Variants in RAB28 observed in about 807,000 individuals in gnomAD.
The protein encoded by RAB28 is RAB28, member RAS oncogene family, also known as ras-related protein Rab-28.
In RAB28, 24 loss-of-function variants were observed where a neutral mutation model predicts 31.7. That is an observed-to-expected ratio of 0.76 (90% CI 0.55 to 1.06). The LOEUF (loss-of-function observed/expected upper bound fraction) is 1.06. Among genes scored for constraint, RAB28 ranks in the 50% least tolerant of loss-of-function variants. The pLI is 0.00. For synonymous variants in RAB28, 100 were observed against 90.4 expected (o/e 1.11, Z -0.60); for missense variants, 254 against 258.5 (o/e 0.98, Z 0.12).
intron 6 of RAB28, among the ~76,000 whole-genome samples, chr4:13,375,602 C>T: frequency 6.6e-6 from 1 of 152,240 alleles, no homozygotes; most frequent in Non-Finnish European, 1.5e-5. Flanking sequence ...TTAAACATCA[C>T]AAAGTATCTT....
At chr4:13,420,979 A>G (rs1202351487) in intron 4 of RAB28, among the ~76,000 whole-genome samples, 1 of 152,222 alleles carries the variant, frequency 6.6e-6, no homozygotes, top group Non-Finnish European at 1.5e-5. Flanking sequence ...CTGTTTGCAG[A>G]TGACATGATT....
At chr4:13,458,156 G>A (rs1715400500) in intron 4 of RAB28, among the ~76,000 whole-genome samples, 1 of 151,910 alleles carries the variant, frequency 6.6e-6, no homozygotes, top group Admixed American at 6.6e-5. Flanking sequence ...TTTAACTAAA[G>A]CTTTTAAAAA....
chr4:13,453,004 C>A (rs1715055558), intron 4 of RAB28, among the ~76,000 whole-genome samples: 1 of 152,078 alleles, frequency 6.6e-6, no homozygotes, highest in Non-Finnish European at 1.5e-5. Context: ...CTGAATTCAT[C>A]CTTTTATTAT....
intron 3 of RAB28, among the ~76,000 whole-genome samples, chr4:13,471,231 T>G (rs977650599): frequency 6.6e-6 from 1 of 152,020 alleles, no homozygotes; most frequent in African/African-American, 2.4e-5. Context: ...CCAGAAGCAA[T>G]ACAGATCTAC....
chr4:13,376,496 C>A (rs1220054156), intron 6 of RAB28, 49 bp downstream of exon 6: 1 of 1,368,582 alleles, frequency 7.3e-7, no homozygotes, highest in Non-Finnish European at 1.0e-6. Flanking sequence ...AAATTAATGC[C>A]TTGTAAGAAA....
At chr4:13,403,370 G>A (rs1711891139) in intron 4 of RAB28, among the ~76,000 whole-genome samples, 1 of 152,120 alleles carries the variant, frequency 6.6e-6, no homozygotes, top group African/African-American at 2.4e-5. Flanking sequence ...CTATACCTCT[G>A]GCTCAAAAAC....
intron 4 of RAB28, among the ~76,000 whole-genome samples, chr4:13,413,882 A>G (rs181643139): frequency 1.2e-4 from 19 of 152,346 alleles, no homozygotes; most frequent in African/African-American, 3.6e-4. Context: ...GACAAGAACT[A>G]TAGCTTGCCA....
At chr4:13,370,398 T>C (rs1477374878) in intron 6 of RAB28, 3 of 877,252 alleles carry the variant, frequency 3.4e-6, no homozygotes, top group Non-Finnish European at 4.1e-6. Context: ...ACTGAAGATA[T>C]ACTATGTGCC....
chr4:13,469,733 G>T (rs1488960161), intron 3 of RAB28, among the ~76,000 whole-genome samples: 1 of 151,970 alleles, frequency 6.6e-6, no homozygotes, highest in Non-Finnish European at 1.5e-5. Flanking sequence ...GTCTTGCTCT[G>T]TTCCCCAGGC....
At chr4:13,385,329 T>C (rs1348873018) in intron 4 of RAB28, among the ~76,000 whole-genome samples, 1 of 152,070 alleles carries the variant, frequency 6.6e-6, no homozygotes, top group Non-Finnish European at 1.5e-5. Flanking sequence ...GAGGCCAACA[T>C]TCAAATTCAG....
intron 4 of RAB28, among the ~76,000 whole-genome samples, chr4:13,408,718 AT>A (rs897373807): frequency 8.8e-4 from 134 of 152,132 alleles, no homozygotes; most frequent in African/African-American, 2.9e-3. Context: ...AGTATGAGTG[AT>A]TTTTTTTCTT....
chr4:13,476,028 C>T (rs1305137214), intron 2 of RAB28, among the ~76,000 whole-genome samples: 1 of 151,462 alleles, frequency 6.6e-6, no homozygotes, highest in Non-Finnish European at 1.5e-5. Flanking sequence ...CTAACTTTTA[C>T]AGAGTAAGAT....
intron 2 of RAB28, among the ~76,000 whole-genome samples, chr4:13,475,122 C>T (rs1362242858): frequency 6.6e-6 from 1 of 151,566 alleles, no homozygotes; most frequent in Non-Finnish European, 1.5e-5. Flanking sequence ...CAAGCCTTCA[C>T]AAAATACTGT....
At chr4:13,371,887 A>G (rs1363412119) in intron 6 of RAB28, 1 of 1,510,612 alleles carries the variant, frequency 6.6e-7, no homozygotes, top group African/African-American at 1.4e-5. Context: ...AAAGAGTTAT[A>G]TGGGTGAATA....
At chr4:13,433,208 C>T (rs1177241320) in intron 4 of RAB28, among the ~76,000 whole-genome samples, 1 of 147,002 alleles carries the variant, frequency 6.8e-6, no homozygotes, top group Admixed American at 6.8e-5. Context: ...TTTAAACCAA[C>T]AACAGTTCAA....
chr4:13,381,427 ACTTCCTAGGAATGT>A, intron 5 of RAB28, 50 bp downstream of exon 5: 20 of 1,192,414 alleles, frequency 1.7e-5, no homozygotes, highest in Non-Finnish European at 2.2e-5. Context: ...GTGGAAGTAT[ACTTCCTAGGAATGT>A]TAGTAAATAA....
intron 4 of RAB28, among the ~76,000 whole-genome samples, chr4:13,394,529 T>C (rs191699306): frequency 6.6e-6 from 1 of 152,234 alleles, no homozygotes. Flanking sequence ...TAGCAGTCCA[T>C]GGCCCAGGGG....
chr4:13,431,062 C>T (rs1713782618), intron 4 of RAB28, among the ~76,000 whole-genome samples: 1 of 152,170 alleles, frequency 6.6e-6, no homozygotes, highest in Non-Finnish European at 1.5e-5. Context: ...TTCATGGTAG[C>T]TCCACCGTCA....
At chr4:13,371,046 T>A (rs1448488349) in intron 6 of RAB28, 1 of 983,230 alleles carries the variant, frequency 1.0e-6, no homozygotes, top group Non-Finnish European at 1.2e-6. Flanking sequence ...ATCTATTAAT[T>A]TATTAAGATA....
Sources: allele counts gnomAD v4.1 joint callset (sites outside exome capture counted in the v4.1 genomes callset), GRCh38; gene constraint gnomAD v4.1.1; transcripts MANE v1.5; gene names NCBI Gene and HGNC (gene_info 2026-07-23, HGNC 2026-07-21).